The following PAK4 variants were observed in gnomAD, a reference collection of about 807,000 sequenced individuals.
PAK4 encodes p21 (RAC1) activated kinase 4, also known as serine/threonine-protein kinase PAK 4.
PAK4 carries 49 observed loss-of-function variants against 53.5 expected under a neutral mutation model. That is an observed-to-expected ratio of 0.92 (90% CI 0.73 to 1.16). The LOEUF (loss-of-function observed/expected upper bound fraction) is 1.16, where lower values mean the gene tolerates loss of function less well. PAK4 is among the 50% of genes most tolerant of loss of function. The pLI, the probability that PAK4 is intolerant of heterozygous loss-of-function variation, is 0.00. For missense variants in PAK4, 824 were observed against 850.7 expected, an observed-to-expected ratio of 0.97 and a Z score of 0.39; for synonymous variants, 376 against 375.6, an observed-to-expected ratio of 1.00 and a Z score of -0.01.
chr19:39,175,250 G>A lies in PAK4; in HGVS notation c.1233-62G>A, dbSNP rs939675720. 31 of 1,520,878 alleles carry A rather than the reference G, an allele frequency of 2.0e-5. No homozygotes were observed. The highest frequency in any genetic ancestry group is 1.8e-4 in the African/African-American group (13 of 72,916). 94.2% of individuals were successfully genotyped at this position (1,520,878 alleles called of 1,614,324 possible). A position where few individuals can be genotyped will look rare whatever the true frequency, so the allele number is the denominator to read the frequency against. ...TCCTCCCACTGCAAGGCAGGGCTGC[G>A]TCCCCCTCGGCACCCCGGGGTGCTG... On this transcript the variant is annotated intron_variant, in intron 5 of 8. Transcript: ENST00000358301. The surrounding 1 kb of genome is among the most constrained non-coding windows in gnomAD (Gnocchi z 4.7).
At chr19:39,156,449 C>T (rs2074182972) in intron 1 of PAK4, among the ~76,000 whole-genome samples, 2 of 152,148 alleles carry the variant, frequency 1.3e-5, no homozygotes, top group African/African-American at 4.8e-5. Flanking sequence ...CAGCCCCTGG[C>T]ACCTAGCCTG....
At chr19:39,174,826 A>C in intron 4 of PAK4, 105 bp from the exon 6 acceptor site, 1 of 1,377,804 alleles carries the variant, frequency 7.3e-7, no homozygotes, top group Non-Finnish European at 1.0e-6. Context: ...CAGTGAGCAC[A>C]AGCTTAATGT....
chr19:39,147,102 CATTGA>C lies in PAK4; in HGVS notation c.-23+21184_-23+21188del, dbSNP rs1320383613. The stretch of plus-strand genomic sequence containing the variant: ...CATTGTCAATTGTCAATGACAATGT[CATTGA>C]CATTGACATTGTCAGTCACAAGGAT... On this transcript the variant is annotated intron_variant, in intron 1 of 8. Coordinates refer to ENST00000358301, the Ensembl canonical transcript of PAK4. 2.0e-3 allele frequency among the ~76,000 whole-genome samples: 55 copies of C among 27,856 alleles called. 1 individual carries two copies. In the Middle Eastern group the frequency reaches 0.11, roughly 53 times the overall value. The allele number at this position is 27,856 out of a possible 152,430, so 18.3% of individuals were successfully genotyped here.
intron 1 of PAK4, among the ~76,000 whole-genome samples, chr19:39,141,733 C>G (rs186489558): frequency 2.2e-4 from 34 of 151,482 alleles, no homozygotes; most frequent in African/African-American, 8.0e-4. Flanking sequence ...CTCCCAGGTT[C>G]AAGCACTTCT....
At position 39,178,286 on chromosome 19, in the gene PAK4, A is replaced by G; in HGVS notation, c.1621-138A>G. 1.2e-6 allele frequency: 1 copy of G among 804,160 alleles called. No homozygotes were observed. Among genetic ancestry groups the G allele is most frequent in the Non-Finnish European group, 1.9e-6 (1 of 520,874 alleles). The allele number at this position is 804,160 out of a possible 1,614,324, so 49.8% of individuals were successfully genotyped here. A position where few individuals can be genotyped will look rare whatever the true frequency, so the allele number is the denominator to read the frequency against. On this transcript the variant is annotated intron_variant, in intron 8 of 8. Transcript: ENST00000358301. This position sits in a 1 kb window ranked among gnomAD's most constrained non-coding sequence, Gnocchi z 4.4. Reference sequence around the variant, plus strand: ...CTGTCCCGTCTACACCCCAAGATCTAGACACCCATGACCTCCGCCCCCTGC... The same window carrying G: ...CTGTCCCGTCTACACCCCAAGATCTGGACACCCATGACCTCCGCCCCCTGC...
downstream of PAK4, chr19:39,179,655 C>T (rs2074680222): frequency 6.6e-6 from 1 of 152,246 alleles, no homozygotes; most frequent in African/African-American, 2.4e-5. Context: ...GCAGACTGAT[C>T]CCAGTTTGCC....
chr19:39,174,216 C>T (rs2074555664), intron 4 of PAK4, among the ~76,000 whole-genome samples: 1 of 151,862 alleles, frequency 6.6e-6, no homozygotes, highest in Non-Finnish European at 1.5e-5. Flanking sequence ...ACATCTCTGT[C>T]CCTGAGCCCC....
chr19:39,132,614 A>G (rs529323309), intron 1 of PAK4, among the ~76,000 whole-genome samples: 1 of 152,372 alleles, frequency 6.6e-6, no homozygotes, highest in Non-Finnish European at 1.5e-5. Context: ...CGTGCTGTGA[A>G]CAGGGCTGCG....
chr19:39,149,552 C>T (rs1319095767), intron 1 of PAK4, among the ~76,000 whole-genome samples: 1 of 152,116 alleles, frequency 6.6e-6, no homozygotes, highest in African/African-American at 2.4e-5. Context: ...GAGACCCGGT[C>T]TCTTTTAAAA....
chr19:39,154,444 A>C (rs1403942588), intron 1 of PAK4, among the ~76,000 whole-genome samples: 1 of 152,038 alleles, frequency 6.6e-6, no homozygotes, highest in Non-Finnish European at 1.5e-5. Context: ...AAAAGAAAAA[A>C]CCTGAAAGTC....
At chr19:39,177,185 C>T (rs1212082258) in intron 7 of PAK4, among the ~76,000 whole-genome samples, 1 of 152,192 alleles carries the variant, frequency 6.6e-6, no homozygotes, top group Non-Finnish European at 1.5e-5. Flanking sequence ...GCCTTCTGAG[C>T]ATTGTTTTCA....
chr19:39,147,813 A>G (rs1200852082), intron 1 of PAK4, among the ~76,000 whole-genome samples: 4 of 35,824 alleles, frequency 1.1e-4, no homozygotes, highest in Admixed American at 2.8e-4. Context: ...TCTTCTGCTC[A>G]TTTTCTTATT....
At chr19:39,181,581 C>G (rs540260836), downstream of PAK4, 1 of 152,468 alleles carries the variant, frequency 6.6e-6, no homozygotes, top group East Asian at 1.9e-4. Flanking sequence ...TTCCAGCTTC[C>G]CACCCTGGAC....
At chr19:39,147,818 C>T (rs1256566194) in intron 1 of PAK4, among the ~76,000 whole-genome samples, 9 of 29,358 alleles carry the variant, frequency 3.1e-4, no homozygotes, top group African/African-American at 9.2e-4. Flanking sequence ...TGCTCATTTT[C>T]TTATTGGATT....
At chr19:39,148,463 C>T (rs1206958825) in intron 1 of PAK4, among the ~76,000 whole-genome samples, 3 of 12,172 alleles carry the variant, frequency 2.5e-4, no homozygotes, top group Admixed American at 1.2e-3. Context: ...TAAGTTTCTT[C>T]TGCTTTTTTT....
intron 1 of PAK4, among the ~76,000 whole-genome samples, chr19:39,129,240 T>C (rs7253356): frequency 0.018 from 2,746 of 151,208 alleles, 98 homozygotes; most frequent in African/African-American, 0.062. Flanking sequence ...GGATGTCTCT[T>C]GGTGGGGATG....
In PAK4 at chr19:39,173,023, A is replaced by G. The variant is rs1341847714; in HGVS notation, c.310A>G (p.Ser104Gly). Residue 104 changes from serine to glycine, a missense_variant, in exon 3 of 9, where the codon AGC becomes GGC. Ser to Gly is a moderately conservative substitution (Grantham distance 56). Coordinates refer to ENST00000358301, the Ensembl canonical transcript of PAK4. The surrounding 1 kb of genome is among the most constrained non-coding windows in gnomAD (Gnocchi z 6.9). Reference sequence around the variant, plus strand: ...ACGCTCCAACTCCCTGCGGAGAGACAGCCCGCCGCCGCCCGCCCGTGCCCG... The same window carrying G: ...ACGCTCCAACTCCCTGCGGAGAGACGGCCCGCCGCCGCCCGCCCGTGCCCG... The G allele has an allele frequency of 2.6e-6, 4 of 1,549,332 alleles. No individual in the cohort carries two copies. In the South Asian group the frequency reaches 4.8e-5, roughly 18 times the overall value.
At chr19:39,172,754 G>A (rs2074506806) in intron 2 of PAK4, among the ~76,000 whole-genome samples, 164 bp from the exon 4 acceptor site, 1 of 152,074 alleles carries the variant, frequency 6.6e-6, no homozygotes, top group South Asian at 2.1e-4. Context: ...CCAGGGAGGG[G>A]AGGGGCTGCA....
downstream of PAK4, chr19:39,179,643 G>A (rs2074680038): frequency 6.6e-6 from 1 of 152,300 alleles, no homozygotes; most frequent in Admixed American, 6.5e-5. Context: ...CACAGTCCAT[G>A]TGCAGACTGA....
Sources: gnomAD v4.1 joint callset for allele counts (sites outside exome capture counted in the v4.1 genomes callset) on GRCh38, gnomAD v4.1.1 for gene constraint, Gnocchi (gnomAD v3.1) non-coding constraint, MANE v1.5 for transcripts, NCBI Gene and HGNC (gene_info 2026-07-23, HGNC 2026-07-21) for gene names.